ESRRB: variants seen among roughly 807,000 people sequenced by gnomAD.
ESRRB encodes the protein estrogen related receptor beta, also known as steroid hormone receptor ERR2.
Under a neutral mutation model 46.0 loss-of-function variants are expected in ESRRB, and 16 were observed. The ratio of observed to expected loss-of-function variants is 0.35; its 90% CI spans 0.24 to 0.53. ESRRB has a LOEUF of 0.53. Among genes scored for constraint, ESRRB ranks in the 20% least tolerant of loss-of-function variants. The probability of loss-of-function intolerance (pLI) is 0.93; values close to 1 mark genes in which losing one functional copy is unlikely to be tolerated. For missense variants in ESRRB, 488 were observed against 607.4 expected (o/e 0.80, Z 2.07); for synonymous variants, 246 against 259.6 (o/e 0.95, Z 0.50).
At chr14:76,459,108 G>A (rs1372805498) in intron 2 of ESRRB, among the ~76,000 whole-genome samples, 1 of 152,184 alleles carries the variant, frequency 6.6e-6, no homozygotes, top group African/African-American at 2.4e-5. Context: ...GCCTCCCAAA[G>A]TGCTGGGATT....
At chr14:76,357,515 G>A (rs576495366) in intron 1 of ESRRB, among the ~76,000 whole-genome samples, 1 of 152,256 alleles carries the variant, frequency 6.6e-6, no homozygotes, top group African/African-American at 2.4e-5. Flanking sequence ...ATGTATATAA[G>A]TGTTTATTTA....
At chr14:76,342,269 C>T (rs958544749) in intron 1 of ESRRB, among the ~76,000 whole-genome samples, 60 of 152,236 alleles carry the variant, frequency 3.9e-4, no homozygotes, top group African/African-American at 1.4e-3. Flanking sequence ...CAGGGGTGAG[C>T]AGCCTTCTCC....
In ESRRB at chr14:76,491,735, C is replaced by T. The variant is rs550968778; in HGVS notation, c.1120+19C>T. On this transcript the variant is annotated intron_variant, in intron 6 of 6. Coordinates refer to ENST00000644823, the MANE Select transcript of ESRRB (RefSeq NM_001379180.1). ...AACTCCGGTAAGGGCGGCGGCGGGG[C>T]CTGGAAGGGGAGCTTCTAGGGCTCT... is the stretch of plus-strand genomic sequence containing the variant. 120 of 1,560,768 alleles carry T rather than the reference C, an allele frequency of 7.7e-5. No individual in the cohort carries two copies. The East Asian group carries it at 2.7e-3, about 35-fold the overall frequency.
At chr14:76,466,954 T>C (rs1889139367) in intron 3 of ESRRB, among the ~76,000 whole-genome samples, 1 of 151,894 alleles carries the variant, frequency 6.6e-6, no homozygotes. Flanking sequence ...AGTCTCAACC[T>C]TGTGATCTGC....
chr14:76,491,321 C>G, intron 5 of ESRRB, 126 bp from the exon 6 acceptor site: 1 of 875,960 alleles, frequency 1.1e-6, no homozygotes, highest in Non-Finnish European at 1.8e-6. Flanking sequence ...GGGGCAGGAT[C>G]CAGGGGTGCC....
intron 2 of ESRRB, among the ~76,000 whole-genome samples, chr14:76,457,966 C>A (rs139840289): frequency 6.6e-6 from 1 of 152,256 alleles, no homozygotes; most frequent in East Asian, 1.9e-4. Flanking sequence ...TGAGCCACTG[C>A]GCCTGGCCTG....
At chr14:76,493,008 G>A (rs1222744851) in intron 6 of ESRRB, among the ~76,000 whole-genome samples, 1 of 152,234 alleles carries the variant, frequency 6.6e-6, no homozygotes, top group Admixed American at 6.5e-5. Context: ...AGAGCAGTGT[G>A]TGGCAGAGTT....
At chr14:76,367,861 C>T (rs574020051), upstream of ESRRB, among the ~76,000 whole-genome samples, 1 of 152,214 alleles carries the variant, frequency 6.6e-6, no homozygotes, top group Admixed American at 6.5e-5. Flanking sequence ...TGTTTCTCCC[C>T]CTCCTTGTGG....
chr14:76,467,581 C>T (rs1025600739), intron 3 of ESRRB, among the ~76,000 whole-genome samples: 1 of 151,960 alleles, frequency 6.6e-6, no homozygotes, highest in Non-Finnish European at 1.5e-5. Context: ...CAGTCTGCCC[C>T]TTGTGTTTGG....
In ESRRB at chr14:76,485,626, T is replaced by TGAGAGAGAGAGA. The variant is rs151021182; in HGVS notation, c.850+2890_850+2901dup. On this transcript the variant is annotated intron_variant, in intron 5 of 6. Coordinates refer to ENST00000644823, the MANE Select transcript of ESRRB (RefSeq NM_001379180.1). ...CATCTGAAGATGGGCTCCCTATCCC[T>TGAGAGAGAGAGA]GAGAGAGAGAGAGAGAGAGAGAGAG... is the stretch of plus-strand genomic sequence containing the variant. 3.3e-3 allele frequency among the ~76,000 whole-genome samples: 473 copies of TGAGAGAGAGAGA among 143,906 alleles called. 4 individuals carry two copies. The highest frequency in any genetic ancestry group is 0.018 in the East Asian group (79 of 4,444). The allele number at this position is 143,906 out of a possible 152,430, so 94.4% of individuals were successfully genotyped here. A position where few individuals can be genotyped will look rare whatever the true frequency, so the allele number is the denominator to read the frequency against.
chr14:76,390,221 G>T (rs1332717548), intron 1 of ESRRB, among the ~76,000 whole-genome samples: 1 of 152,224 alleles, frequency 6.6e-6, no homozygotes, highest in Non-Finnish European at 1.5e-5. Flanking sequence ...GAGTGCGGTG[G>T]CTCACGCCTG....
chr14:76,478,591 T>A (rs536621468), intron 3 of ESRRB, among the ~76,000 whole-genome samples: 1 of 151,984 alleles, frequency 6.6e-6, no homozygotes, highest in African/African-American at 2.4e-5. Flanking sequence ...GGAGAGTATA[T>A]GTTTAAGATC....
At chr14:76,352,366 G>C (rs1255303758) in intron 1 of ESRRB, among the ~76,000 whole-genome samples, 1 of 152,184 alleles carries the variant, frequency 6.6e-6, no homozygotes, top group Non-Finnish European at 1.5e-5. Context: ...TTTGAGGTTT[G>C]GGGCAGCTGC....
At chr14:76,397,587 A>G (rs1010591315) in intron 1 of ESRRB, among the ~76,000 whole-genome samples, 2 of 152,116 alleles carry the variant, frequency 1.3e-5, no homozygotes, top group East Asian at 3.8e-4. Flanking sequence ...ATTGGACAAA[A>G]TTTGGGCAAA....
At chr14:76,324,072 A>G (rs1399218545) in intron 1 of ESRRB, among the ~76,000 whole-genome samples, 3 of 152,154 alleles carry the variant, frequency 2.0e-5, no homozygotes, top group African/African-American at 7.2e-5. Context: ...AGAGCCTGAA[A>G]TGGGCATTCT....
chr14:76,373,736 A>T (rs1490564790), upstream of ESRRB, among the ~76,000 whole-genome samples: 1 of 152,222 alleles, frequency 6.6e-6, no homozygotes, highest in Non-Finnish European at 1.5e-5. Context: ...AAGGCTGAGA[A>T]GGCCTAGGTC....
chr14:76,495,027 C>T (rs537688974), intron 6 of ESRRB, among the ~76,000 whole-genome samples: 1 of 152,188 alleles, frequency 6.6e-6, no homozygotes, highest in Non-Finnish European at 1.5e-5. Flanking sequence ...CGCACACATA[C>T]ACACATGCAC....
chr14:76,479,901 T>A (rs1390292264), intron 3 of ESRRB, among the ~76,000 whole-genome samples: 3 of 152,200 alleles, frequency 2.0e-5, no homozygotes. Flanking sequence ...GGAGTCTCAC[T>A]CTGTTACTCA....
chr14:76,399,036 A>G (rs1256645437), intron 1 of ESRRB, among the ~76,000 whole-genome samples: 1 of 152,058 alleles, frequency 6.6e-6, no homozygotes, highest in African/African-American at 2.4e-5. Context: ...TGTCTTGCTG[A>G]ACTCAGTACA....
Sources: gnomAD v4.1 joint callset for allele counts (sites outside exome capture counted in the v4.1 genomes callset) on GRCh38, gnomAD v4.1.1 for gene constraint, MANE v1.5 for transcripts, NCBI Gene and HGNC (gene_info 2026-07-23, HGNC 2026-07-21) for gene names.